The following ASXL3 variants were observed in gnomAD, a reference collection of about 807,000 sequenced individuals.
The protein encoded by ASXL3 is ASXL transcriptional regulator 3.
ASXL3 carries 34 observed loss-of-function variants against 170.6 expected under a neutral mutation model. The ratio of observed to expected loss-of-function variants is 0.20; its 90% CI spans 0.15 to 0.27. ASXL3 has a LOEUF of 0.27. Among genes scored for constraint, ASXL3 ranks in the 10% least tolerant of loss-of-function variants. The pLI is 1.00. For synonymous variants in ASXL3, 1,002 were observed against 989.1 expected (o/e 1.01, Z -0.24); for missense variants, 2,592 against 2,695.3 (o/e 0.96, Z 0.85).
At chr18:33,685,626 G>C (rs2066581478) in intron 8 of ASXL3, among the ~76,000 whole-genome samples, 1 of 152,166 alleles carries the variant, frequency 6.6e-6, no homozygotes, top group African/African-American at 2.4e-5. Context: ...AATTTATGAA[G>C]AAAAGAGATT....
At chr18:33,710,698 G>T (rs1290722571) in intron 8 of ASXL3, among the ~76,000 whole-genome samples, 1 of 151,942 alleles carries the variant, frequency 6.6e-6, no homozygotes, top group Non-Finnish European at 1.5e-5. Flanking sequence ...TACTTATTTA[G>T]ATGTAGATCT....
intron 2 of ASXL3, among the ~76,000 whole-genome samples, chr18:33,624,275 T>C (rs763814205): frequency 1.1e-4 from 16 of 152,154 alleles, no homozygotes; most frequent in Admixed American, 5.2e-4. Context: ...ATGCTTTATT[T>C]GGATCTTATT....
chr18:33,643,888 GT>G lies in ASXL3; in HGVS notation c.138-1004del, dbSNP rs200081868. 5.5e-3 allele frequency among the ~76,000 whole-genome samples: 835 copies of G among 151,938 alleles called. 7 individuals are homozygous for G. Among genetic ancestry groups the G allele is most frequent in the Middle Eastern group, 0.024 (7 of 294 alleles). On this transcript the variant is annotated intron_variant, in intron 2 of 11. Coordinates refer to ENST00000269197, the MANE Select transcript of ASXL3 (RefSeq NM_030632.3). ...CTAAGAAGCATGTGAGTGTAGTGGG[GT>G]TAGGGCTTTTAACTAAAATTGGTTT...
intron 1 of ASXL3, among the ~76,000 whole-genome samples, chr18:33,586,243 A>C (rs1170291633): frequency 6.6e-6 from 1 of 152,078 alleles, no homozygotes; most frequent in Non-Finnish European, 1.5e-5. Flanking sequence ...CTACATATGT[A>C]ATCTTTACAT....
intron 1 of ASXL3, among the ~76,000 whole-genome samples, chr18:33,583,891 A>G (rs1170680599): frequency 6.6e-6 from 1 of 152,182 alleles, no homozygotes; most frequent in Non-Finnish European, 1.5e-5. Context: ...AACACTTTGT[A>G]GGCTCCTATG....
chr18:33,675,273 A>G (rs1192273753), intron 7 of ASXL3, among the ~76,000 whole-genome samples: 1 of 152,190 alleles, frequency 6.6e-6, no homozygotes, highest in Non-Finnish European at 1.5e-5. Flanking sequence ...GCATACCAGC[A>G]TGTAGCAGAA....
intron 4 of ASXL3, among the ~76,000 whole-genome samples, chr18:33,658,423 C>T (rs141053731): frequency 3.9e-4 from 60 of 152,196 alleles, no homozygotes; most frequent in African/African-American, 1.4e-3. Flanking sequence ...GCTATTCTCA[C>T]GTCATACGCA....
Position 33,748,417 on chromosome 18 carries a change from T to C in ASXL3, c.*1822T>C, listed in dbSNP as rs1334216305. 2.0e-5 allele frequency: 3 copies of C among 152,210 alleles called. No homozygotes were observed. The highest frequency in any genetic ancestry group is 4.4e-5 in the Non-Finnish European group (3 of 68,048). The allele number at this position is 152,210 out of a possible 1,614,324, so 9.4% of individuals were successfully genotyped here. On this transcript the variant is annotated 3_prime_UTR_variant, in exon 12 of 12. Coordinates refer to ENST00000269197, the MANE Select transcript of ASXL3 (RefSeq NM_030632.3). Reference sequence around the variant, plus strand: ...TGATAGTGAGAGGTACTTTACTTTATCTTAGAAAGAAAGAAAAGGCCTGCT... The same window carrying C: ...TGATAGTGAGAGGTACTTTACTTTACCTTAGAAAGAAAGAAAAGGCCTGCT...
chr18:33,739,172 A>G lies in ASXL3; in HGVS notation c.1768A>G (p.Ile590Val), dbSNP rs1186502689. Residue 590 changes from isoleucine (I) to valine (V), a missense_variant, in exon 11 of 12, where the codon ATA (isoleucine) becomes GTA (valine). Transcript: ENST00000269197. The stretch of plus-strand genomic sequence containing the variant: ...CCAGTTTCCAAATGAAGGAATTGCT[A>G]TAGATATGGAGCTACAGAGTGACCC... ...EGQFPNEGIA[I>V]DMELQSDPEE... is the part of the protein sequence containing the mutation. 8.1e-6 allele frequency: 13 copies of G among 1,613,728 alleles called. No homozygotes were observed. The highest frequency in any genetic ancestry group is 2.2e-5 in the South Asian group (2 of 91,064).
At chr18:33,606,454 C>CTGAGG (rs2065249971) in intron 1 of ASXL3, among the ~76,000 whole-genome samples, 1 of 151,960 alleles carries the variant, frequency 6.6e-6, no homozygotes, top group Admixed American at 6.6e-5. Flanking sequence ...GTGCAACACA[C>CTGAGG]TGAGGGACCT....
chr18:33,693,462 G>A (rs2066719567), intron 8 of ASXL3, among the ~76,000 whole-genome samples: 1 of 152,150 alleles, frequency 6.6e-6, no homozygotes, highest in Non-Finnish European at 1.5e-5. Context: ...AAGCAGGAAA[G>A]AAAGAGTAAA....
chr18:33,746,790 G>A lies in ASXL3; in HGVS notation c.*195G>A, dbSNP rs2067802463. ...TGCATCCCAACTGAATGGCTCACTG[G>A]CATGTCTTTTATGTGTTCAGTTGCC... On this transcript the variant is annotated 3_prime_UTR_variant, in exon 12 of 12. Coordinates refer to ENST00000269197, the MANE Select transcript of ASXL3 (RefSeq NM_030632.3). 1.1e-6 allele frequency: 1 copy of A among 874,652 alleles called. No homozygotes were observed. 54.2% of individuals were successfully genotyped at this position (874,652 alleles called of 1,614,324 possible).
At chr18:33,651,935 T>G (rs1271601818) in intron 4 of ASXL3, among the ~76,000 whole-genome samples, 2 of 152,116 alleles carry the variant, frequency 1.3e-5, no homozygotes, top group Non-Finnish European at 2.9e-5. Flanking sequence ...TATTTTTAAT[T>G]GTGGAATTTA....
In ASXL3 at chr18:33,744,026, C is replaced by G; in HGVS notation, c.4178C>G (p.Ala1393Gly). The change falls in exon 12 of 12, where the codon GCA becomes GGA. Residue 1393 changes from alanine to glycine, a missense_variant. Ala to Gly is a moderately conservative substitution (Grantham distance 60, BLOSUM62 0). This residue lies in a region of ASXL3 where 2,246 missense variants were observed against 2,219.6 expected (regional missense o/e 1.01). Transcript: ENST00000269197. ...ATVSMGTTVR[A>G]ALSCSDSVAV... is the part of the protein sequence containing the mutation. Reference sequence around the variant, plus strand: ...GTATCCATGGGTACCACTGTGAGAGCAGCCCTCAGCTGCAGTGATTCTGTA... The same window carrying G: ...GTATCCATGGGTACCACTGTGAGAGGAGCCCTCAGCTGCAGTGATTCTGTA... 6.2e-7 allele frequency: 1 copy of G among 1,614,012 alleles called. No individual in the cohort carries two copies. Among genetic ancestry groups the G allele is most frequent in the Non-Finnish European group, 8.5e-7 (1 of 1,179,906 alleles).
At chr18:33,659,857 C>G (rs1053582684) in intron 4 of ASXL3, among the ~76,000 whole-genome samples, 2 of 152,062 alleles carry the variant, frequency 1.3e-5, no homozygotes, top group Admixed American at 6.6e-5. Context: ...TCACTATATT[C>G]ATCTGCAAAT....
chr18:33,595,177 C>T (rs190830368), intron 1 of ASXL3, among the ~76,000 whole-genome samples: 1,674 of 152,236 alleles, frequency 0.011, 17 homozygotes, highest in Non-Finnish European at 0.018. Flanking sequence ...AGGTAAATAA[C>T]TTTTACCGCT....
At chr18:33,737,049 G>A (rs1568357848) in intron 10 of ASXL3, among the ~76,000 whole-genome samples, 1 of 151,996 alleles carries the variant, frequency 6.6e-6, no homozygotes, top group Non-Finnish European at 1.5e-5. Flanking sequence ...ATTTCTTGCA[G>A]ATTATTCTGC....
chr18:33,741,708 T>C (rs1363680658), intron 11 of ASXL3, among the ~76,000 whole-genome samples: 1 of 152,174 alleles, frequency 6.6e-6, no homozygotes, highest in Non-Finnish European at 1.5e-5. Context: ...TAAATTGATA[T>C]GTATAATCTG....
intron 8 of ASXL3, among the ~76,000 whole-genome samples, chr18:33,694,356 G>A (rs1335699393): frequency 6.6e-6 from 1 of 152,080 alleles, no homozygotes; most frequent in Non-Finnish European, 1.5e-5. Context: ...ACAATTTTGT[G>A]ACCTTTTAAA....
Sources: gnomAD v4.1 joint callset for allele counts (sites outside exome capture counted in the v4.1 genomes callset) on GRCh38, gnomAD v4.1.1 for gene constraint, gnomAD v4.1.1 regional missense constraint, MANE v1.5 for transcripts, NCBI Gene and HGNC (gene_info 2026-07-23, HGNC 2026-07-21) for gene names.